The following ZNF41 variants were observed in gnomAD, a reference collection of about 807,000 sequenced individuals.
ZNF41 encodes zinc finger protein 41.
In ZNF41, 6 loss-of-function variants were observed where a neutral mutation model predicts 9.3. That is an observed-to-expected ratio of 0.65 (90% confidence interval 0.35 to 1.28). ZNF41 has a LOEUF of 1.28. ZNF41 is among the 50% of genes most tolerant of loss of function. ZNF41 has a pLI of 0.03. For missense variants in ZNF41, 523 were observed against 585.8 expected, an observed-to-expected ratio of 0.89 and a Z score of 1.11; for synonymous variants, 192 against 207.1, an observed-to-expected ratio of 0.93 and a Z score of 0.63.
chrX:47,447,747 G>T lies in ZNF41; in HGVS notation c.2023C>A (p.Arg675=). 1 of 1,210,911 alleles carries T rather than the reference G, an allele frequency of 8.3e-7. No individual in the cohort carries two copies. The highest frequency in any genetic ancestry group is 3.0e-5 in the East Asian group (1 of 33,807). ...TTCTGATGTGTTATGAGATTTGATC[G>T]GTCAGTGAAGGCCTTTCCACATTCA... ...CAECGKAFTD[R]SNLITHQKIH... Residue 675 remains arginine (R), a synonymous_variant, in exon 5 of 5, where the codon CGA becomes AGA. Transcript: ENST00000684689.
rs1311392909 is a variant in ZNF41, at chrX:47,467,359, G to GT, written c.72+50dup. 1.3e-5 allele frequency: 15 copies of GT among 1,169,099 alleles called. 1 individual carries two copies. Among genetic ancestry groups the GT allele is most frequent in the African/African-American group, 7.1e-5 (4 of 56,608 alleles). ...CCTTAGGCCCTGGGGACAGGTCAGG[G>GT]TATCTCTTCACTGAATGAATTCTTG... On this transcript the variant is annotated intron_variant, in intron 2 of 4. Transcript: ENST00000684689.
intron 2 of ZNF41, among the ~76,000 whole-genome samples, chrX:47,462,934 CATAT>C (rs752513193): frequency 0.22 from 21,644 of 98,829 alleles, 2,537 homozygotes; most frequent in South Asian, 0.35. Flanking sequence ...ATATCACACA[CATAT>C]ATATATATAC....
At chrX:47,463,160 T>C (rs375808341) in intron 2 of ZNF41, among the ~76,000 whole-genome samples, 1 of 110,836 alleles carries the variant, frequency 9.0e-6, no homozygotes, top group African/African-American at 3.3e-5. Flanking sequence ...TCCCGTGATG[T>C]TCATGCATCT....
chrX:47,476,012 A>G (rs775237898), intron 1 of ZNF41, among the ~76,000 whole-genome samples: 2 of 111,399 alleles, frequency 1.8e-5, no homozygotes, highest in Non-Finnish European at 3.8e-5. Context: ...ACAAATCAAG[A>G]TAGGAACATA....
chrX:47,449,230 G>A lies in ZNF41; in HGVS notation c.540C>T (p.Thr180=). 1 of 1,211,092 alleles carries A rather than the reference G, an allele frequency of 8.3e-7. No homozygotes were observed. The part of the protein sequence containing the change: ...KNIEKIIHVT[T]KLVPSIKRLH... The stretch of plus-strand genomic sequence containing the variant: ...GTCTTTTAATTGAAGGAACAAGCTT[G>A]GTAGTCACATGAATTATTTTTTCAA... Residue 180 remains threonine (T), a synonymous_variant, in exon 5 of 5, where the codon ACC becomes ACT. Transcript: ENST00000684689.
At position 47,467,524 on chromosome X, in the gene ZNF41, C is replaced by G. The variant is rs2057032822; in HGVS notation, c.-43G>C. On this transcript the variant is annotated 5_prime_UTR_variant, in exon 2 of 5. Transcript: ENST00000684689. ...GCCCTCAGGCTCTCCTGCTGACAAC[C>G]CCACTCTTCCCCAAGCTGGAAGCTG... 8.6e-7 allele frequency: 1 copy of G among 1,161,235 alleles called. No homozygotes were observed. The highest frequency in any genetic ancestry group is 1.8e-5 in the African/African-American group (1 of 56,063).
rs1465602819 is a variant in ZNF41 at position 47,447,552 on chromosome X, T to C, written c.2218A>G (p.Ile740Val). ...QKATLSMHQI[I>V]HTGKKPYACT... Reference sequence around the variant, plus strand: ...GCATAAGGTTTCTTTCCTGTATGAATTATCTGATGCATACTTAGTGTGGCT... The same window carrying C: ...GCATAAGGTTTCTTTCCTGTATGAACTATCTGATGCATACTTAGTGTGGCT... Residue 740 changes from isoleucine (I) to valine (V), a missense_variant, in exon 5 of 5, where the codon ATT becomes GTT. By Grantham distance (29) the Ile-to-Val change is conservative (BLOSUM62 3). Coordinates refer to ENST00000684689, the MANE Select transcript of ZNF41 (RefSeq NM_001324144.2). The C allele has an allele frequency of 2.5e-6, 3 of 1,210,550 alleles. No individual in the cohort carries two copies. Among genetic ancestry groups the C allele is most frequent in the Non-Finnish European group, 3.4e-6 (3 of 895,436 alleles).
chrX:47,452,590 T>C (rs999170983), intron 4 of ZNF41, among the ~76,000 whole-genome samples: 8 of 111,543 alleles, frequency 7.2e-5, no homozygotes, highest in Non-Finnish European at 1.3e-4. Context: ...CTGCTGTGCT[T>C]TCTATCTGCT....
At chrX:47,472,963 C>T (rs1015727431) in intron 1 of ZNF41, among the ~76,000 whole-genome samples, 11 of 109,901 alleles carry the variant, frequency 1.0e-4, no homozygotes, top group African/African-American at 3.0e-4. Flanking sequence ...CCTCGTGATC[C>T]GTCTGCCTCG....
chrX:47,470,050 A>G, intron 1 of ZNF41, among the ~76,000 whole-genome samples: 1 of 111,462 alleles, frequency 9.0e-6, no homozygotes, highest in Non-Finnish European at 1.9e-5. Flanking sequence ...ACTAGCAGAA[A>G]TTGATTAAAA....
intron 1 of ZNF41, among the ~76,000 whole-genome samples, chrX:47,471,707 A>G (rs1030530072): frequency 8.9e-6 from 1 of 111,751 alleles, no homozygotes; most frequent in Non-Finnish European, 1.9e-5. Flanking sequence ...CAAATCCTAC[A>G]GTGGCAGAAG....
rs1264935234 is a variant in ZNF41 at position 47,446,790 on chromosome X, T to A, written c.*640A>T. ...ATTCATAAAGTTATATCTTTAAATT[T>A]AAAAATTCCATTGCACTTAAAATAT... On this transcript the variant is annotated 3_prime_UTR_variant, in exon 5 of 5. Coordinates refer to ENST00000684689, the MANE Select transcript of ZNF41 (RefSeq NM_001324144.2). The A allele has an allele frequency of 8.9e-6, 1 of 112,307 alleles. No individual in the cohort carries two copies. Among genetic ancestry groups the A allele is most frequent in the Admixed American group, 9.5e-5 (1 of 10,493 alleles). The allele number at this position is 112,307 out of a possible 1,213,427, so 9.3% of individuals were successfully genotyped here. A position where few individuals can be genotyped will look rare whatever the true frequency, so the allele number is the denominator to read the frequency against.
rs763299745 is a variant in ZNF41, at chrX:47,449,177, T to G, written c.593A>C (p.His198Pro). Residue 198 changes from histidine to proline, a missense_variant, in exon 5 of 5, where the codon CAT becomes CCT. By Grantham distance (77) the His-to-Pro change is moderately conservative. Transcript: ENST00000684689. ...RLHNCDTILK[H>P]TLNSHNHNRN... is the part of the protein sequence containing the mutation. ...ATTATGATTATGTGAGTTTAAAGTA[T>G]GCTTCAAAATTGTGTCACAGTTATG... 6 of 1,209,621 alleles carry G rather than the reference T, an allele frequency of 5.0e-6. No homozygotes were observed. The highest frequency in any genetic ancestry group is 6.7e-6 in the Non-Finnish European group (6 of 894,989).
Position 47,455,932 on chromosome X carries a change from T to C in ZNF41, c.284A>G (p.Gln95Arg), listed in dbSNP as rs1394405758. 8.3e-7 allele frequency: 1 copy of C among 1,211,141 alleles called. No homozygotes were observed. Among genetic ancestry groups the C allele is most frequent in the Non-Finnish European group, 1.1e-6 (1 of 894,856 alleles). ...PWMLEGEAPHQSCSGEAIGKM... is the reference protein window; with the variant it reads ...PWMLEGEAPHRSCSGEAIGKM... ...TCATGCTCACTCACCTGAACAGCTCTGATGTGGGGCTTCCCCCTCCAGCAT... is the reference window on the plus strand; with the variant it reads ...TCATGCTCACTCACCTGAACAGCTCCGATGTGGGGCTTCCCCCTCCAGCAT... The change falls in exon 4 of 5, where the codon CAG (glutamine) becomes CGG (arginine). Residue 95 changes from glutamine (Q) to arginine (R), a missense_variant. Coordinates refer to ENST00000684689, the MANE Select transcript of ZNF41 (RefSeq NM_001324144.2).
rs1569275260 is a variant in ZNF41, at chrX:47,449,361, G to T, written c.409C>A (p.Leu137Met). 1 of 1,211,494 alleles carries T rather than the reference G, an allele frequency of 8.3e-7. No homozygotes were observed. ...EDSLCSILEE[L>M]WQDNDQLEQR... ...TCTAGCTGGTCATTATCTTGCCACA[G>T]TTCTTCTAAAATAGAACATAATGAA... The change falls in exon 5 of 5, where the codon CTG becomes ATG. Residue 137 changes from leucine to methionine, a missense_variant. Leu to Met is a conservative substitution (Grantham distance 15). Transcript: ENST00000684689.
intron 1 of ZNF41, among the ~76,000 whole-genome samples, chrX:47,471,602 G>T (rs1036269833): frequency 3.2e-4 from 36 of 111,353 alleles, no homozygotes; most frequent in African/African-American, 1.2e-3. Context: ...TAATTAATGT[G>T]CTTTATATTA....
At chrX:47,462,750 C>T (rs1182565080) in intron 2 of ZNF41, among the ~76,000 whole-genome samples, 1 of 109,602 alleles carries the variant, frequency 9.1e-6, no homozygotes, top group Non-Finnish European at 1.9e-5. Context: ...TTCTTTCCTT[C>T]TTTTTCTTCC....
rs1004005397 is a variant in ZNF41, at chrX:47,478,411, G to T, written c.-280+4684C>A. Reference sequence around the variant, plus strand: ...AGTCCCAGCTACGTGGGAGGCTGAGGCAGGAGAATTGCTTGAACCTGGGAG... The same window carrying T: ...AGTCCCAGCTACGTGGGAGGCTGAGTCAGGAGAATTGCTTGAACCTGGGAG... On this transcript the variant is annotated intron_variant, in intron 1 of 4. Coordinates refer to ENST00000684689, the MANE Select transcript of ZNF41 (RefSeq NM_001324144.2). Among the ~76,000 whole-genome samples, 3 of 110,667 alleles carry T rather than the reference G, an allele frequency of 2.7e-5. No individual in the cohort carries two copies. The Admixed American group carries it at 2.9e-4, about 11-fold the overall frequency.
intron 1 of ZNF41, among the ~76,000 whole-genome samples, chrX:47,469,596 C>T (rs1294455737): frequency 4.5e-5 from 5 of 111,429 alleles, no homozygotes; most frequent in African/African-American, 1.3e-4. Flanking sequence ...TAAAAATTCC[C>T]TGGCCGGGTG....
Sources: gnomAD v4.1 joint callset for allele counts (sites outside exome capture counted in the v4.1 genomes callset) on GRCh38, gnomAD v4.1.1 for gene constraint, MANE v1.5 for transcripts, NCBI Gene and HGNC (gene_info 2026-07-23, HGNC 2026-07-21) for gene names.